The following SEMA5A variants were observed in gnomAD, a reference collection of about 807,000 sequenced individuals.
SEMA5A encodes the protein semaphorin-5A.
Under a neutral mutation model 135.5 loss-of-function variants are expected in SEMA5A, and 55 were observed. That is an observed-to-expected ratio of 0.41 (90% CI 0.33 to 0.51). The LOEUF is 0.51. Ranked by LOEUF, SEMA5A falls within the 20% of genes least tolerant of loss-of-function variation. The pLI is 0.37. For synonymous variants in SEMA5A, 580 were observed against 546.5 expected (o/e 1.06, Z -0.85); for missense variants, 1,290 against 1,419.9 (o/e 0.91, Z 1.47).
intron 1 of SEMA5A, among the ~76,000 whole-genome samples, chr5:9,450,770 A>G (rs1269243567): frequency 6.6e-6 from 1 of 152,018 alleles, no homozygotes; most frequent in Admixed American, 6.5e-5. Flanking sequence ...AAAAAAAAAA[A>G]GAAACGGAAA....
At chr5:9,457,410 C>T (rs1207762324) in intron 1 of SEMA5A, among the ~76,000 whole-genome samples, 1 of 152,182 alleles carries the variant, frequency 6.6e-6, no homozygotes, top group Non-Finnish European at 1.5e-5. Flanking sequence ...GTAACAGCAA[C>T]CAGGTTGCAA....
intron 19 of SEMA5A, among the ~76,000 whole-genome samples, 167 bp from the exon 20 acceptor site, chr5:9,052,195 G>A (rs1215378773): frequency 2.0e-5 from 3 of 152,138 alleles, no homozygotes; most frequent in African/African-American, 4.8e-5. Flanking sequence ...AACAGATCCA[G>A]TACATACAGT....
chr5:9,167,661 C>G (rs536985592), intron 11 of SEMA5A, among the ~76,000 whole-genome samples: 1 of 152,302 alleles, frequency 6.6e-6, no homozygotes, highest in Non-Finnish European at 1.5e-5. Flanking sequence ...GAGTGGGAAC[C>G]TTTTCTCACC....
chr5:9,194,823 C>A (rs1459764657), intron 10 of SEMA5A, among the ~76,000 whole-genome samples: 4 of 152,144 alleles, frequency 2.6e-5, no homozygotes, highest in Non-Finnish European at 5.9e-5. Flanking sequence ...TGAGAGTAAG[C>A]CATTCAGTGT....
At chr5:9,158,388 C>A (rs1035751613) in intron 11 of SEMA5A, among the ~76,000 whole-genome samples, 1 of 151,470 alleles carries the variant, frequency 6.6e-6, no homozygotes, top group Non-Finnish European at 1.5e-5. Context: ...TAAAGCCATA[C>A]AAAACTTCTA....
At chr5:9,221,529 C>G (rs1337612007) in intron 8 of SEMA5A, among the ~76,000 whole-genome samples, 1 of 151,888 alleles carries the variant, frequency 6.6e-6, no homozygotes, top group African/African-American at 2.4e-5. Context: ...GTCTCGATCT[C>G]CTGACCTCGT....
intron 3 of SEMA5A, among the ~76,000 whole-genome samples, chr5:9,372,390 AAGG>A (rs1755175610): frequency 1.3e-5 from 2 of 152,118 alleles, no homozygotes; most frequent in South Asian, 2.1e-4. Flanking sequence ...TGCGGCATGC[AAGG>A]AGATGTGGAC....
intron 1 of SEMA5A, among the ~76,000 whole-genome samples, chr5:9,540,730 C>T (rs1319348061): frequency 1.3e-5 from 2 of 152,148 alleles, no homozygotes; most frequent in Non-Finnish European, 2.9e-5. Flanking sequence ...CATAAATGTC[C>T]CTGGCCTCCG....
chr5:9,517,607 T>C (rs1357195173), intron 1 of SEMA5A: 1 of 152,240 alleles, frequency 6.6e-6, no homozygotes, highest in Non-Finnish European at 1.5e-5. Context: ...AATTAATTTT[T>C]ATAATTAATG....
chr5:9,367,456 T>A (rs1754965013), intron 3 of SEMA5A: 1 of 152,216 alleles, frequency 6.6e-6, no homozygotes, highest in Non-Finnish European at 1.5e-5. Context: ...GTATCTCTCT[T>A]ATTTCCTCTC....
chr5:9,065,806 G>A (rs1421969158), intron 17 of SEMA5A, among the ~76,000 whole-genome samples: 1 of 152,182 alleles, frequency 6.6e-6, no homozygotes, highest in African/African-American at 2.4e-5. Context: ...AAGAGAAAGT[G>A]AATTGCCCCA....
At chr5:9,067,428 T>A (rs774767578) in intron 16 of SEMA5A, among the ~76,000 whole-genome samples, 1 of 152,172 alleles carries the variant, frequency 6.6e-6, no homozygotes, top group Non-Finnish European at 1.5e-5. Flanking sequence ...TGACCTTGGA[T>A]ACAGTGTGAC....
intron 1 of SEMA5A, among the ~76,000 whole-genome samples, chr5:9,539,128 G>A (rs141718111): frequency 4.3e-4 from 65 of 152,248 alleles, no homozygotes; most frequent in African/African-American, 1.4e-3. Flanking sequence ...AGTTCCCACT[G>A]CTAGCCCGAG....
chr5:9,459,976 C>T (rs1258800729), intron 1 of SEMA5A, among the ~76,000 whole-genome samples: 1 of 152,108 alleles, frequency 6.6e-6, no homozygotes, highest in African/African-American at 2.4e-5. Context: ...CTAAAGAAAG[C>T]AAGGTCATAA....
At position 9,443,062 on chromosome 5, in the gene SEMA5A, C is replaced by T. The variant is rs143433589; in HGVS notation, c.-174-5210G>A. ...TGAAACGCCATTCACTCTGGTTATA[C>T]GCACTGCAACCCTTTCTGTCACTGT... On this transcript the variant is annotated intron_variant, in intron 1 of 22. Coordinates refer to ENST00000382496, the MANE Select transcript of SEMA5A (RefSeq NM_003966.3). Among the ~76,000 whole-genome samples the T allele has an allele frequency of 5.2e-4, 79 of 152,334 alleles. 1 individual carries two copies. In the East Asian group the frequency reaches 7.3e-3, roughly 14 times the overall value.
intron 16 of SEMA5A, among the ~76,000 whole-genome samples, chr5:9,080,946 T>C (rs531599252): frequency 2.0e-5 from 3 of 152,320 alleles, no homozygotes; most frequent in African/African-American, 7.2e-5. Context: ...GTGGGTCCTG[T>C]GAAGATGATG....
intron 11 of SEMA5A, among the ~76,000 whole-genome samples, chr5:9,168,632 T>G (rs1252760713): frequency 1.3e-5 from 2 of 152,238 alleles, no homozygotes; most frequent in African/African-American, 4.8e-5. Flanking sequence ...GCAGGGATAC[T>G]ACCTTCAACC....
At chr5:9,182,514 G>C (rs1372077850) in intron 11 of SEMA5A, among the ~76,000 whole-genome samples, 1 of 151,966 alleles carries the variant, frequency 6.6e-6, no homozygotes, top group African/African-American at 2.4e-5. Flanking sequence ...CTGTATATTT[G>C]CTTGTATAGT....
Position 9,428,000 on chromosome 5 carries a change from A to C in SEMA5A, c.-78+9756T>G, listed in dbSNP as rs970131517. On this transcript the variant is annotated intron_variant, in intron 2 of 22. Transcript: ENST00000382496. Reference sequence around the variant, plus strand: ...ATCTCTATATAATTTACATACATGCATTTATATAGGTGGATATTCTATCTT... The same window carrying C: ...ATCTCTATATAATTTACATACATGCCTTTATATAGGTGGATATTCTATCTT... Among the ~76,000 whole-genome samples the C allele has an allele frequency of 2.0e-5, 3 of 151,646 alleles. No homozygotes were observed. The Admixed American group carries it at 2.0e-4, about 10-fold the overall frequency.
Sources: gnomAD v4.1 joint callset for allele counts (sites outside exome capture counted in the v4.1 genomes callset) on GRCh38, gnomAD v4.1.1 for gene constraint, MANE v1.5 for transcripts, NCBI Gene and HGNC (gene_info 2026-07-23, HGNC 2026-07-21) for gene names.